Variants in VPS8 observed in about 807,000 individuals in gnomAD.
The protein encoded by VPS8 is vacuolar protein sorting-associated protein 8 homolog.
Under a neutral mutation model 216.4 loss-of-function variants are expected in VPS8, and 129 were observed. The ratio of observed to expected loss-of-function variants is 0.60; its 90% CI spans 0.52 to 0.69. VPS8 has a LOEUF of 0.69. VPS8 is among the 30% of genes least tolerant of loss of function. The probability of loss-of-function intolerance (pLI) is 0.00; values close to 1 mark genes in which losing one functional copy is unlikely to be tolerated. For synonymous variants in VPS8, 571 were observed against 565.4 expected (o/e 1.01, Z -0.14); for missense variants, 1,531 against 1,683.5 (o/e 0.91, Z 1.59).
intron 47 of VPS8, among the ~76,000 whole-genome samples, chr3:185,049,767 C>T (rs560111132): frequency 4.6e-4 from 70 of 152,166 alleles, no homozygotes; most frequent in Non-Finnish European, 8.2e-4. Context: ...GTGTCCTCTG[C>T]TTCTCTACCT....
chr3:184,983,743 C>T (rs1750588098), intron 42 of VPS8, among the ~76,000 whole-genome samples: 1 of 152,102 alleles, frequency 6.6e-6, no homozygotes, highest in Admixed American at 6.5e-5. Context: ...TGTCTATCCT[C>T]ACTTTATTCA....
intron 21 of VPS8, among the ~76,000 whole-genome samples, chr3:184,876,073 CT>C (rs2108807876): frequency 6.6e-6 from 1 of 151,914 alleles, no homozygotes; most frequent in Non-Finnish European, 1.5e-5. Context: ...TCTGTGGACC[CT>C]TTTATTTCTC....
At chr3:185,010,265 A>G (rs1387721074) in intron 45 of VPS8, among the ~76,000 whole-genome samples, 1 of 152,250 alleles carries the variant, frequency 6.6e-6, no homozygotes, top group Non-Finnish European at 1.5e-5. Flanking sequence ...CATATCGCAG[A>G]ACAGAGTTTA....
chr3:184,872,533 G>A (rs1728532063), intron 21 of VPS8, among the ~76,000 whole-genome samples: 1 of 151,956 alleles, frequency 6.6e-6, no homozygotes, highest in Non-Finnish European at 1.5e-5. Context: ...TAACCATCTA[G>A]CTTCCTGTTA....
intron 3 of VPS8, among the ~76,000 whole-genome samples, chr3:184,827,408 G>T (rs1719028557): frequency 6.6e-6 from 1 of 152,188 alleles, no homozygotes; most frequent in African/African-American, 2.4e-5. Flanking sequence ...TTTTGATAAA[G>T]AAGGCTTTGG....
rs760876701 is a variant in VPS8, at chr3:185,048,581, A to C, written c.4137+22A>C. 17 of 1,612,392 alleles carry C rather than the reference A, an allele frequency of 1.1e-5. 1 individual carries two copies. The South Asian group carries it at 1.8e-4, about 17-fold the overall frequency. On this transcript the variant is annotated intron_variant, in intron 47 of 47. Transcript: ENST00000625842. Reference sequence around the variant, plus strand: ...CAGGGTAATGTTTGCGTGGTTGTTTATATTTTTATTTCCCTATTTATAGTT... The same window carrying C: ...CAGGGTAATGTTTGCGTGGTTGTTTCTATTTTTATTTCCCTATTTATAGTT...
intron 45 of VPS8, among the ~76,000 whole-genome samples, chr3:185,019,967 T>A (rs1756412960): frequency 2.0e-5 from 3 of 152,232 alleles, no homozygotes; most frequent in Admixed American, 6.5e-5. Context: ...CAGAGCTTTT[T>A]GGATTTCAGA....
intron 46 of VPS8, among the ~76,000 whole-genome samples, chr3:185,025,927 C>T (rs1400394458): frequency 2.0e-5 from 3 of 152,148 alleles, no homozygotes; most frequent in Non-Finnish European, 4.4e-5. Flanking sequence ...TGATGCTACT[C>T]TCAGAATTGT....
chr3:184,875,032 C>A (rs908206808), intron 21 of VPS8, among the ~76,000 whole-genome samples: 1 of 150,526 alleles, frequency 6.6e-6, no homozygotes, highest in African/African-American at 2.4e-5. Context: ...GCAGGATGAC[C>A]AACTGATGGA....
At chr3:184,837,602 G>T (rs1721349851) in intron 5 of VPS8, among the ~76,000 whole-genome samples, 1 of 152,172 alleles carries the variant, frequency 6.6e-6, no homozygotes, top group Admixed American at 6.5e-5. Context: ...TAGCAGCCTT[G>T]CTCATTGCTT....
At chr3:184,854,212 C>T (rs1724821951) in intron 13 of VPS8, 39 bp downstream of exon 13, 1 of 1,606,872 alleles carries the variant, frequency 6.2e-7, no homozygotes, top group Non-Finnish European at 8.5e-7. Context: ...AAAGGAAGGA[C>T]CATGTCAGGA....
intron 30 of VPS8, 147 bp downstream of exon 30, chr3:184,925,128 G>C (rs1739350482): frequency 9.2e-7 from 1 of 1,086,738 alleles, no homozygotes; most frequent in African/African-American, 1.6e-5. Flanking sequence ...TAAGTTAGGG[G>C]GGTATGTGTA....
At chr3:184,900,576 A>G (rs563648370) in intron 24 of VPS8, among the ~76,000 whole-genome samples, 2 of 152,340 alleles carry the variant, frequency 1.3e-5, no homozygotes, top group African/African-American at 2.4e-5. Context: ...AATCATCTCT[A>G]TTACCACTTT....
At chr3:184,966,303 C>T (rs1020383624) in intron 38 of VPS8, among the ~76,000 whole-genome samples, 3 of 152,308 alleles carry the variant, frequency 2.0e-5, no homozygotes, top group South Asian at 2.1e-4. Context: ...TCCCATGACC[C>T]AGACACCTTT....
chr3:184,860,363 A>G (rs575103570), intron 15 of VPS8, among the ~76,000 whole-genome samples: 1 of 150,942 alleles, frequency 6.6e-6, no homozygotes, highest in South Asian at 2.1e-4. Context: ...AAAAAAGTAT[A>G]TGTGTGTGTG....
At chr3:184,849,913 T>G (rs1332138555) in intron 9 of VPS8, 23 bp from the exon 10 acceptor site, 3 of 1,597,720 alleles carry the variant, frequency 1.9e-6, no homozygotes, top group Non-Finnish European at 2.6e-6. Flanking sequence ...AATTTGTTTT[T>G]GAAGCACTTA....
intron 40 of VPS8, among the ~76,000 whole-genome samples, chr3:184,975,037 C>T (rs1172168408): frequency 6.6e-6 from 1 of 151,932 alleles, no homozygotes; most frequent in Non-Finnish European, 1.5e-5. Context: ...TTTTGCCATT[C>T]GGGATTTTTT....
intron 39 of VPS8, 105 bp from the exon 40 acceptor site, chr3:184,971,544 G>GC: frequency 1.4e-6 from 1 of 692,520 alleles, no homozygotes; most frequent in Non-Finnish European, 2.4e-6. Context: ...TTATATACTA[G>GC]AAAATGAAGG....
intron 46 of VPS8, among the ~76,000 whole-genome samples, chr3:185,030,559 C>T (rs551416560): frequency 6.6e-6 from 1 of 152,290 alleles, no homozygotes; most frequent in South Asian, 2.1e-4. Flanking sequence ...TCCAATAGTT[C>T]TGTGAGTCCA....
Sources: gnomAD v4.1 joint callset for allele counts (sites outside exome capture counted in the v4.1 genomes callset) on GRCh38, gnomAD v4.1.1 for gene constraint, MANE v1.5 for transcripts, NCBI Gene and HGNC (gene_info 2026-07-23, HGNC 2026-07-21) for gene names.